The following TMEM184A variants were observed in gnomAD, a reference collection of about 807,000 sequenced individuals.
TMEM184A encodes sexually dimorphic, expressed in male gonads 1.
TMEM184A carries 40 observed loss-of-function variants against 39.5 expected under a neutral mutation model. The observed-to-expected ratio is 1.01, with a 90% confidence interval of 0.79 to 1.32. The LOEUF (loss-of-function observed/expected upper bound fraction) is 1.32. TMEM184A is among the 40% of genes most tolerant of loss of function. The pLI is 0.00. For missense variants in TMEM184A, 603 were observed against 568.8 expected (o/e 1.06, Z -0.61); for synonymous variants, 280 against 252.3 (o/e 1.11, Z -1.04).
intron 3 of TMEM184A, 69 bp downstream of exon 3, chr7:1,550,746 AGT>A (rs1402612792): frequency 3.1e-5 from 49 of 1,560,440 alleles, no homozygotes; most frequent in South Asian, 1.3e-4. Context: ...GCCATGGAAG[AGT>A]GTGCGTGCAC....
At chr7:1,549,277 C>T (rs774417003) in intron 6 of TMEM184A, 28 of 428,770 alleles carry the variant, frequency 6.5e-5, no homozygotes, top group Middle Eastern at 7.1e-4. Context: ...CATGTGTCCC[C>T]GTGTGTGAGC....
intron 6 of TMEM184A, chr7:1,549,165 T>C (rs1191042670): frequency 2.2e-6 from 1 of 459,088 alleles, no homozygotes; most frequent in Non-Finnish European, 4.4e-6. Flanking sequence ...TGCATGTGAG[T>C]GTACATACAT....
chr7:1,548,492 C>T, intron 7 of TMEM184A, 27 bp downstream of exon 7: 10 of 1,595,598 alleles, frequency 6.3e-6, no homozygotes, highest in Non-Finnish European at 7.7e-6. Flanking sequence ...ACCTCGGTAG[C>T]ACCCCTGCCC....
At chr7:1,550,445 G>A (rs761872017) in intron 3 of TMEM184A, 50 bp from the exon 4 acceptor site, 38 of 1,486,378 alleles carry the variant, frequency 2.6e-5, no homozygotes, top group Non-Finnish European at 3.3e-5. Context: ...GCTGCACCGG[G>A]ACCCCATGGC....
chr7:1,555,346 AG>A lies in TMEM184A; in HGVS notation c.138del (p.Trp47GlyfsTer90). ...GCCAGTGCGGAGGTGAGGAAGAGCC[AG>A]GGGGCCCCCTGGGAGCTGTTCCCCA... Reference protein sequence around the residue: ...DHMGNSSQGAPWLFLTSALAR... With the variant: ...DHMGNSSQGAXWLFLTSALAR... On this transcript the variant is annotated frameshift_variant, in exon 2 of 9. Transcript: ENST00000297477. LOFTEE classifies it high-confidence loss of function. This position sits in a 1 kb window ranked among gnomAD's most constrained non-coding sequence, Gnocchi z 5.2. The A allele has an allele frequency of 3.1e-6, 5 of 1,610,434 alleles. No homozygotes were observed. The highest frequency in any genetic ancestry group is 4.2e-6 in the Non-Finnish European group (5 of 1,178,780).
chr7:1,546,867 C>T lies in TMEM184A; in HGVS notation c.*85G>A. Reference sequence around the variant, plus strand: ...CTCTCAGGAGAGGCCCCACCTTTGGCAGGAGTTGGTGGGTGGGGGGACCCT... The same window carrying T: ...CTCTCAGGAGAGGCCCCACCTTTGGTAGGAGTTGGTGGGTGGGGGGACCCT... On this transcript the variant is annotated 3_prime_UTR_variant, in exon 9 of 9. Coordinates refer to ENST00000297477, the MANE Select transcript of TMEM184A (RefSeq NM_001097620.2). The T allele has an allele frequency of 2.1e-6, 2 of 933,298 alleles. No individual in the cohort carries two copies. The highest frequency in any genetic ancestry group is 3.1e-6 in the Non-Finnish European group (2 of 645,034). 57.8% of individuals were successfully genotyped at this position (933,298 alleles called of 1,614,324 possible).
rs867198091 is a variant in TMEM184A, at chr7:1,546,899, C to T, written c.*53G>A. The T allele has an allele frequency of 1.6e-6, 2 of 1,288,716 alleles. No homozygotes were observed. Among genetic ancestry groups the T allele is most frequent in the East Asian group, 2.5e-5 (1 of 39,604 alleles). The allele number at this position is 1,288,716 out of a possible 1,614,324, so 79.8% of individuals were successfully genotyped here. On this transcript the variant is annotated 3_prime_UTR_variant, in exon 9 of 9. Coordinates refer to ENST00000297477, the MANE Select transcript of TMEM184A (RefSeq NM_001097620.2). ...TGGTGGGTGGGGGGACCCTGTTCTT[C>T]CCCAGAGGCCTGGGCAGCCTGGGTC...
chr7:1,551,301 C>T (rs1784586746), intron 2 of TMEM184A, among the ~76,000 whole-genome samples: 2 of 136,382 alleles, frequency 1.5e-5, no homozygotes, highest in African/African-American at 2.8e-5. Context: ...GAGCCAGGTC[C>T]GCCTGGTACC....
rs1784262765 is a variant in TMEM184A at position 1,543,917 on chromosome 7, G to A, written c.*3035C>T. On this transcript the variant is annotated 3_prime_UTR_variant, in exon 9 of 9. Coordinates refer to ENST00000297477, the MANE Select transcript of TMEM184A (RefSeq NM_001097620.2). ...CCAAGTGCTGGAATTACAGGTGTGA[G>A]CCACTGCACCCGATCATAATCCCAA... is the stretch of plus-strand genomic sequence containing the variant. 1 of 152,266 alleles carries A rather than the reference G, an allele frequency of 6.6e-6. No homozygotes were observed. The highest frequency in any genetic ancestry group is 1.5e-5 in the Non-Finnish European group (1 of 68,108). The allele number at this position is 152,266 out of a possible 1,614,324, so 9.4% of individuals were successfully genotyped here.
chr7:1,554,349 C>T (rs1778462454), intron 2 of TMEM184A, among the ~76,000 whole-genome samples: 1 of 152,144 alleles, frequency 6.6e-6, no homozygotes. Context: ...GATCCATTCC[C>T]TACACCAGTG....
Position 1,546,996 on chromosome 7 carries a change from G to C in TMEM184A, c.1198C>G (p.Arg400Gly). 3.8e-6 allele frequency: 6 copies of C among 1,588,338 alleles called. No homozygotes were observed. Among genetic ancestry groups the C allele is most frequent in the Non-Finnish European group, 5.1e-6 (6 of 1,174,184 alleles). The change falls in exon 9 of 9, where the codon CGG becomes GGG. Residue 400 changes from arginine (R) to glycine (G), a missense_variant. Arg to Gly is a moderately radical substitution (Grantham distance 125, BLOSUM62 -2). Coordinates refer to ENST00000297477, the MANE Select transcript of TMEM184A (RefSeq NM_001097620.2). ...SGGSGGSRKSRSLEKRMLIPS... is the reference protein window; with the variant it reads ...SGGSGGSRKSGSLEKRMLIPS... ...ATCAGCATCCGCTTCTCCAGGCTCC[G>C]GCTCTTCCTGCTCCCGCCGGAGCCG...
chr7:1,555,336 A>C lies in TMEM184A; in HGVS notation c.149T>G (p.Leu50Arg). 1 of 1,609,596 alleles carries C rather than the reference A, an allele frequency of 6.2e-7. No individual in the cohort carries two copies. The highest frequency in any genetic ancestry group is 8.5e-7 in the Non-Finnish European group (1 of 1,178,458). Residue 50 changes from leucine (L) to arginine (R), a missense_variant, in exon 2 of 9, where the codon CTC (leucine) becomes CGC (arginine). By Grantham distance (102) the Leu-to-Arg change is moderately radical (BLOSUM62 -2). Transcript: ENST00000297477. This position sits in a 1 kb window ranked among gnomAD's most constrained non-coding sequence, Gnocchi z 5.2. ...NSSQGAPWLF[L>R]TSALARGVSG... ...GACGCCTCGGGCCAGTGCGGAGGTGAGGAAGAGCCAGGGGGCCCCCTGGGA... is the reference window on the plus strand; with the variant it reads ...GACGCCTCGGGCCAGTGCGGAGGTGCGGAAGAGCCAGGGGGCCCCCTGGGA...
At chr7:1,547,281 C>A (rs1290391034) in intron 8 of TMEM184A, 100 bp from the exon 9 acceptor site, 1 of 703,748 alleles carries the variant, frequency 1.4e-6, no homozygotes, top group Admixed American at 2.7e-5. Context: ...TCCTGCATGT[C>A]CAGGTCTGGC....
chr7:1,546,995 C>A lies in TMEM184A; in HGVS notation c.1199G>T (p.Arg400Leu). 6.3e-7 allele frequency: 1 copy of A among 1,589,362 alleles called. No individual in the cohort carries two copies. Among genetic ancestry groups the A allele is most frequent in the Non-Finnish European group, 8.5e-7 (1 of 1,174,540 alleles). The change falls in exon 9 of 9, where the codon CGG becomes CTG. Residue 400 changes from arginine to leucine, a missense_variant. Arg to Leu is a moderately radical substitution (Grantham distance 102). Coordinates refer to ENST00000297477, the MANE Select transcript of TMEM184A (RefSeq NM_001097620.2). The stretch of plus-strand genomic sequence containing the variant: ...GATCAGCATCCGCTTCTCCAGGCTC[C>A]GGCTCTTCCTGCTCCCGCCGGAGCC... ...SGGSGGSRKS[R>L]SLEKRMLIPS...
intron 3 of TMEM184A, 150 bp from the exon 4 acceptor site, chr7:1,550,545 C>T (rs768137691): frequency 1.2e-4 from 90 of 761,132 alleles, no homozygotes; most frequent in Middle Eastern, 3.5e-4. Context: ...CCATCCCCAG[C>T]GGGGCAGCCT....
rs751135657 is a variant in TMEM184A at position 1,555,510 on chromosome 7, C to G, written c.1-26G>C. ...CTGCAGAGGGAGGGAGGACACACAC[C>G]GGGAGGAGTGAGGGCAAAGGTACTG... On this transcript the variant is annotated intron_variant, in intron 1 of 8. Coordinates refer to ENST00000297477, the MANE Select transcript of TMEM184A (RefSeq NM_001097620.2). The surrounding 1 kb of genome is among the most constrained non-coding windows in gnomAD (Gnocchi z 5.2). The G allele has an allele frequency of 1.3e-5, 20 of 1,579,226 alleles. No homozygotes were observed. In the South Asian group the frequency reaches 1.5e-4, roughly 12 times the overall value.
chr7:1,550,226 G>A (rs761110878), intron 4 of TMEM184A, 28 bp from the exon 5 acceptor site: 30 of 1,605,188 alleles, frequency 1.9e-5, no homozygotes, highest in African/African-American at 1.2e-4. Context: ...GAGCCGGTGC[G>A]GGAGAATGCA....
In TMEM184A at chr7:1,548,624, C is replaced by T. The variant is rs563532171; in HGVS notation, c.709G>A (p.Ala237Thr). 25 of 1,613,852 alleles carry T rather than the reference C, an allele frequency of 1.5e-5. No individual in the cohort carries two copies. The highest frequency in any genetic ancestry group is 9.3e-5 in the African/African-American group (7 of 75,002). Residue 237 changes from alanine to threonine, a missense_variant, in exon 7 of 9, where the codon GCC becomes ACC. Physicochemically the swap from Ala to Thr is moderately conservative, Grantham distance 58 (BLOSUM62 0). Transcript: ENST00000297477. ...YNASVSLALY[A>T]LFLFYFTTRE... The stretch of plus-strand genomic sequence containing the variant: ...GTGGTGAAGTAGAAGAGGAACAGGG[C>T]GTAGAGGGCGAGGCTGACGGAGGCG...
rs1486547807 is a variant in TMEM184A, at chr7:1,548,557, A to T, written c.776T>A (p.Leu259His). The T allele has an allele frequency of 6.2e-7, 1 of 1,613,668 alleles. No individual in the cohort carries two copies. Among genetic ancestry groups the T allele is most frequent in the Non-Finnish European group, 8.5e-7 (1 of 1,179,930 alleles). The change falls in exon 7 of 9, where the codon CTC becomes CAC. Residue 259 changes from leucine to histidine, a missense_variant. Physicochemically the swap from Leu to His is moderately conservative, Grantham distance 99 (BLOSUM62 -3). Coordinates refer to ENST00000297477, the MANE Select transcript of TMEM184A (RefSeq NM_001097620.2). ...LRPFQPVLKFLTIKAVIFLSF... is the reference protein window; with the variant it reads ...LRPFQPVLKFHTIKAVIFLSF... The stretch of plus-strand genomic sequence containing the variant: ...CAGGAAGATGACGGCTTTGATGGTG[A>T]GGAACTTGAGGACGGGCTGGAAGGG...
Sources: allele counts gnomAD v4.1 joint callset (sites outside exome capture counted in the v4.1 genomes callset), GRCh38; gene constraint gnomAD v4.1.1; non-coding constraint Gnocchi (gnomAD v3.1); transcripts MANE v1.5; gene names NCBI Gene and HGNC (gene_info 2026-07-23, HGNC 2026-07-21).